The following OARD1 variants were observed in gnomAD, a reference collection of about 807,000 sequenced individuals.
The protein encoded by OARD1 is O-acyl-ADP-ribose deacylase 1.
In OARD1, 19 loss-of-function variants were observed where a neutral mutation model predicts 19.7. The ratio of observed to expected loss-of-function variants is 0.96; its 90% CI spans 0.67 to 1.41. OARD1 has a LOEUF of 1.41. Ranked by LOEUF, OARD1 falls within the 40% of genes most tolerant of loss-of-function variation. OARD1 has a pLI of 0.00. For missense variants in OARD1, 190 were observed against 183.8 expected (o/e 1.03, Z -0.20); for synonymous variants, 70 against 61.8 (o/e 1.13, Z -0.62).
intron 1 of OARD1, among the ~76,000 whole-genome samples, chr6:41,089,345 A>G (rs577605515): frequency 9.8e-5 from 15 of 152,330 alleles, no homozygotes; most frequent in African/African-American, 3.4e-4. Context: ...GCTATCTTTC[A>G]TAAAAACCGA....
At chr6:41,093,050 C>T in intron 1 of OARD1, 2 of 1,614,050 alleles carry the variant, frequency 1.2e-6, no homozygotes, top group Non-Finnish European at 1.7e-6. Context: ...CCGAGCTAAA[C>T]TAGAGGCAGA....
chr6:41,076,174 G>A (rs1278803045), upstream of OARD1, among the ~76,000 whole-genome samples: 5 of 152,194 alleles, frequency 3.3e-5, no homozygotes, highest in East Asian at 1.9e-4. Context: ...TTGGGAAGCC[G>A]AAGTGGGAGA....
intron 1 of OARD1, among the ~76,000 whole-genome samples, chr6:41,078,485 A>G (rs1055069628): frequency 3.9e-5 from 6 of 152,114 alleles, no homozygotes; most frequent in African/African-American, 1.4e-4. Flanking sequence ...GCTAACTTAT[A>G]TCATTTTAAT....
intron 1 of OARD1, chr6:41,084,275 A>T: frequency 6.8e-7 from 1 of 1,473,058 alleles, no homozygotes; most frequent in Non-Finnish European, 9.1e-7. Context: ...TTGATAATTG[A>T]TATTGCATTT....
chr6:41,089,734 C>G (rs2113811785), intron 1 of OARD1: 1 of 1,607,124 alleles, frequency 6.2e-7, no homozygotes, highest in East Asian at 2.2e-5. Context: ...CTCTGTCACA[C>G]AGGAGCAAAA....
intron 1 of OARD1, chr6:41,083,997 C>A: frequency 1.3e-6 from 2 of 1,507,558 alleles, no homozygotes; most frequent in Non-Finnish European, 1.8e-6. Context: ...TGGTAAAAAC[C>A]ATTTTGTGTC....
Position 41,068,838 on chromosome 6 carries a change from T to G in OARD1, c.356+3A>C. The stretch of plus-strand genomic sequence containing the variant: ...CTCCATTTAGGACCATGGATTTCCT[T>G]GCCTGGGCATGGAGAGGTCAGTGAC... On this transcript the variant is annotated splice_donor_region_variant and intron_variant, in intron 5 of 5. Transcript: ENST00000424266. The G allele has an allele frequency of 6.7e-7, 1 of 1,489,742 alleles. No homozygotes were observed. The highest frequency in any genetic ancestry group is 9.3e-7 in the Non-Finnish European group (1 of 1,079,114). 92.3% of individuals were successfully genotyped at this position (1,489,742 alleles called of 1,614,324 possible).
At chr6:41,067,623 C>T (rs1763086949) in intron 5 of OARD1, among the ~76,000 whole-genome samples, 186 bp from the exon 6 acceptor site, 1 of 152,214 alleles carries the variant, frequency 6.6e-6, no homozygotes, top group African/African-American at 2.4e-5. Flanking sequence ...TCCTAGACAG[C>T]TCTAACATCC....
upstream of OARD1, among the ~76,000 whole-genome samples, chr6:41,074,793 C>T (rs1295970337): frequency 6.6e-6 from 1 of 152,110 alleles, no homozygotes; most frequent in Non-Finnish European, 1.5e-5. Context: ...ATTGAAAAAA[C>T]GAGTTTCTGA....
chr6:41,079,281 T>G (rs1204132709), intron 1 of OARD1: 1 of 938,218 alleles, frequency 1.1e-6, no homozygotes, highest in Non-Finnish European at 1.7e-6. Context: ...TTGTGAGATA[T>G]TGGGTCTGAT....
chr6:41,081,216 G>A (rs1468467185), intron 1 of OARD1, among the ~76,000 whole-genome samples: 6 of 152,216 alleles, frequency 3.9e-5, no homozygotes, highest in East Asian at 1.9e-4. Context: ...TCGGCCGGGC[G>A]CGGTGGCTCA....
At chr6:41,079,565 C>T (rs1763851821) in intron 1 of OARD1, among the ~76,000 whole-genome samples, 1 of 152,058 alleles carries the variant, frequency 6.6e-6, no homozygotes, top group African/African-American at 2.4e-5. Context: ...TTTGGTCTGC[C>T]ACATTTTTTA....
chr6:41,095,401 G>T (rs1161443560), intron 1 of OARD1, among the ~76,000 whole-genome samples: 1 of 152,042 alleles, frequency 6.6e-6, no homozygotes, highest in African/African-American at 2.4e-5. Flanking sequence ...CTATCTGTTA[G>T]GTCTGGGTTT....
At chr6:41,086,184 G>A (rs1764038985) in intron 1 of OARD1, among the ~76,000 whole-genome samples, 1 of 149,560 alleles carries the variant, frequency 6.7e-6, no homozygotes, top group East Asian at 1.9e-4. Context: ...GTTAGGAACA[G>A]TATACTGTGA....
At chr6:41,090,936 T>C (rs753890361) in intron 1 of OARD1, among the ~76,000 whole-genome samples, 5 of 152,356 alleles carry the variant, frequency 3.3e-5, no homozygotes, top group Admixed American at 6.5e-5. Flanking sequence ...TCCATGACTT[T>C]GTGATTGCAA....
chr6:41,086,592 A>G (rs1274555431), intron 1 of OARD1, among the ~76,000 whole-genome samples: 2 of 152,088 alleles, frequency 1.3e-5, no homozygotes, highest in Admixed American at 6.5e-5. Context: ...TTTGAATTGT[A>G]TTCTCTATTT....
intron 1 of OARD1, among the ~76,000 whole-genome samples, chr6:41,088,423 CAA>C (rs34590854): frequency 6.6e-4 from 43 of 64,700 alleles, no homozygotes; most frequent in Non-Finnish European, 7.7e-4. Flanking sequence ...ACTCCGTCTC[CAA>C]AAAAAAAAAA....
rs748769007 is a variant in OARD1, at chr6:41,068,896, C to T, written c.301G>A (p.Glu101Lys). Reference sequence around the variant, plus strand: ...TTCAGACAATGAGACTTCATTGCCTCTAAACTCTTCTGTAAGTTTTCATAA... The same window carrying T: ...TTCAGACAATGAGACTTCATTGCCTTTAAACTCTTCTGTAAGTTTTCATAA... Reference protein sequence around the residue: ...PTYENLQKSLEAMKSHCLKNG... With the variant: ...PTYENLQKSLKAMKSHCLKNG... Residue 101 changes from glutamate (E) to lysine (K), a missense_variant, in exon 5 of 6, where the codon GAG becomes AAG. Coordinates refer to ENST00000424266, the MANE Select transcript of OARD1 (RefSeq NM_001329686.2). The T allele has an allele frequency of 6.2e-7, 1 of 1,610,764 alleles. No individual in the cohort carries two copies.
intron 1 of OARD1, 88 bp from the exon 2 acceptor site, chr6:41,071,763 T>C: frequency 1.4e-6 from 1 of 730,378 alleles, no homozygotes; most frequent in East Asian, 2.6e-5. Context: ...TAATAGGCTT[T>C]TTTCCCCAAC....
Sources: gnomAD v4.1 joint callset for allele counts (sites outside exome capture counted in the v4.1 genomes callset) on GRCh38, gnomAD v4.1.1 for gene constraint, MANE v1.5 for transcripts, NCBI Gene and HGNC (gene_info 2026-07-23, HGNC 2026-07-21) for gene names.